SHANK2: variants seen among roughly 807,000 people sequenced by gnomAD.
SHANK2 encodes the protein SH3 and multiple ankyrin repeat domains 2.
A neutral mutation model predicts 133.7 loss-of-function variants in SHANK2; 43 were observed. The observed-to-expected ratio is 0.32, with a 90% confidence interval of 0.25 to 0.41. The LOEUF (loss-of-function observed/expected upper bound fraction) is 0.41, where lower values mean the gene tolerates loss of function less well. Ranked by LOEUF, SHANK2 falls within the 10% of genes least tolerant of loss-of-function variation. The pLI is 1.00. For missense variants in SHANK2, 1,994 were observed against 2,235.8 expected (o/e 0.89, Z 2.18); for synonymous variants, 1,017 against 952.8 (o/e 1.07, Z -1.24).
chr11:70,650,694 A>T (rs531736556), intron 17 of SHANK2, among the ~76,000 whole-genome samples: 1 of 152,322 alleles, frequency 6.6e-6, no homozygotes, highest in Admixed American at 6.5e-5. Context: ...GCTTTTGCTC[A>T]AGACCTTCCT....
chr11:70,636,807 T>C (rs538655601), intron 17 of SHANK2, among the ~76,000 whole-genome samples: 3 of 152,236 alleles, frequency 2.0e-5, no homozygotes, highest in Admixed American at 1.3e-4. Flanking sequence ...TGTGTGAACA[T>C]GTGTGTGGGC....
intron 14 of SHANK2, among the ~76,000 whole-genome samples, chr11:70,724,169 G>A (rs1555029976): frequency 6.6e-6 from 1 of 151,842 alleles, no homozygotes; most frequent in African/African-American, 2.4e-5. Context: ...CTGAGTACCT[G>A]GGATTACAGG....
intron 2 of SHANK2, among the ~76,000 whole-genome samples, chr11:71,219,096 A>G (rs1481229006): frequency 1.3e-5 from 2 of 152,232 alleles, no homozygotes. Flanking sequence ...CAGCATTTAG[A>G]GAAGCCAGAT....
chr11:71,240,407 CCAAA>C lies in SHANK2; in HGVS notation c.-113+12014_-113+12017del, dbSNP rs1469556949. ...TCTCCCTAGCCCCTCTCCTGTTCCT[CCAAA>C]CAGAGTCTTTGCTGCTAACTCAAAG... On this transcript the variant is annotated intron_variant, in intron 1 of 25. Coordinates refer to ENST00000601538, the MANE Select transcript of SHANK2 (RefSeq NM_012309.5). Among the ~76,000 whole-genome samples, 4 of 152,280 alleles carry C rather than the reference CCAAA, an allele frequency of 2.6e-5. No homozygotes were observed. The South Asian group carries it at 8.3e-4, about 32-fold the overall frequency.
At chr11:70,883,806 G>C (rs1479588427) in intron 11 of SHANK2, among the ~76,000 whole-genome samples, 2 of 152,202 alleles carry the variant, frequency 1.3e-5, no homozygotes, top group Non-Finnish European at 2.9e-5. Flanking sequence ...GGCAGGGCTG[G>C]GGAGGCCCAG....
At chr11:70,575,738 A>T (rs1207653873) in intron 17 of SHANK2, among the ~76,000 whole-genome samples, 1 of 149,938 alleles carries the variant, frequency 6.7e-6, no homozygotes, top group Non-Finnish European at 1.5e-5. Flanking sequence ...ATGTGTGGAG[A>T]CTCTAGGGCT....
intron 14 of SHANK2, among the ~76,000 whole-genome samples, chr11:70,736,078 C>A (rs1234042343): frequency 6.6e-6 from 1 of 151,432 alleles, no homozygotes. Context: ...CCAAGCCTGA[C>A]CCAGGTCTGA....
intron 17 of SHANK2, among the ~76,000 whole-genome samples, chr11:70,644,941 G>T (rs1555007732): frequency 1.3e-5 from 2 of 152,200 alleles, no homozygotes; most frequent in African/African-American, 4.8e-5. Flanking sequence ...CTCGTCAAAG[G>T]CTGGGCATGG....
chr11:70,904,507 T>C (rs1175978150), intron 10 of SHANK2, among the ~76,000 whole-genome samples: 7 of 70,962 alleles, frequency 9.9e-5, no homozygotes, highest in Non-Finnish European at 2.0e-4. Flanking sequence ...GGAGATCTGA[T>C]GGGTTTTTTT....
intron 10 of SHANK2, among the ~76,000 whole-genome samples, chr11:70,948,813 A>G (rs1384350264): frequency 6.6e-6 from 1 of 152,258 alleles, no homozygotes; most frequent in Non-Finnish European, 1.5e-5. Context: ...GAAGCTGGAA[A>G]GCTGAATTTT....
chr11:70,660,758 G>C (rs2061474619), intron 16 of SHANK2, among the ~76,000 whole-genome samples: 1 of 152,196 alleles, frequency 6.6e-6, no homozygotes, highest in Non-Finnish European at 1.5e-5. Context: ...TTCTCTCTCT[G>C]GACAGCTCGC....
At chr11:70,875,206 G>T (rs1360073699) in intron 11 of SHANK2, among the ~76,000 whole-genome samples, 1 of 152,044 alleles carries the variant, frequency 6.6e-6, no homozygotes, top group African/African-American at 2.4e-5. Flanking sequence ...TTGTTATTTG[G>T]AATTCTCTCC....
intron 7 of SHANK2, among the ~76,000 whole-genome samples, chr11:71,093,053 G>GC (rs1555094461): frequency 2.2e-4 from 23 of 103,560 alleles, no homozygotes; most frequent in African/African-American, 6.7e-4. Flanking sequence ...AAAAATAAAG[G>GC]GGGGGGGGGG....
intron 8 of SHANK2, among the ~76,000 whole-genome samples, chr11:71,085,638 TAATA>T (rs1951376618): frequency 1.9e-5 from 1 of 52,230 alleles, no homozygotes; most frequent in African/African-American, 6.8e-5. Context: ...ATAATATATA[TAATA>T]TATTATGTTA....
intron 1 of SHANK2, among the ~76,000 whole-genome samples, chr11:71,228,871 C>T (rs1334146952): frequency 6.6e-6 from 1 of 152,004 alleles, no homozygotes; most frequent in African/African-American, 2.4e-5. Flanking sequence ...AAATAGAGTT[C>T]AGCAATATAT....
intron 3 of SHANK2, among the ~76,000 whole-genome samples, chr11:71,138,511 G>A (rs1952491329): frequency 6.6e-6 from 1 of 152,092 alleles, no homozygotes. Context: ...ACGGGCCAAG[G>A]CCACTTTGGA....
At chr11:71,198,368 C>T (rs1390004986) in intron 2 of SHANK2, among the ~76,000 whole-genome samples, 1 of 152,120 alleles carries the variant, frequency 6.6e-6, no homozygotes, top group Non-Finnish European at 1.5e-5. Context: ...TTGGAGGGGC[C>T]GGCAGCTCTC....
chr11:70,604,796 C>T (rs148628368), intron 17 of SHANK2: 1 of 152,324 alleles, frequency 6.6e-6, no homozygotes, highest in African/African-American at 2.4e-5. Context: ...GATCCTCACC[C>T]CATTTCACAG....
chr11:70,931,680 C>T, intron 10 of SHANK2, among the ~76,000 whole-genome samples: 1 of 152,198 alleles, frequency 6.6e-6, no homozygotes, highest in East Asian at 1.9e-4. Flanking sequence ...TGTCTGGATG[C>T]CAAGGACACA....
Sources: gnomAD v4.1 joint callset for allele counts (sites outside exome capture counted in the v4.1 genomes callset) on GRCh38, gnomAD v4.1.1 for gene constraint, MANE v1.5 for transcripts, NCBI Gene and HGNC (gene_info 2026-07-23, HGNC 2026-07-21) for gene names.